The following VAV2 variants were observed in gnomAD, a reference collection of about 807,000 sequenced individuals.
VAV2 encodes vav guanine nucleotide exchange factor 2, also known as guanine nucleotide exchange factor VAV2.
VAV2 carries 67 observed loss-of-function variants against 132.5 expected under a neutral mutation model. The observed-to-expected ratio is 0.51, with a 90% CI of 0.42 to 0.62. The LOEUF (loss-of-function observed/expected upper bound fraction) is 0.62, where lower values mean the gene tolerates loss of function less well. Ranked by LOEUF, VAV2 falls within the 20% of genes least tolerant of loss-of-function variation. The pLI is 0.00. For synonymous variants in VAV2, 492 were observed against 443.5 expected, an observed-to-expected ratio of 1.11 and a Z score of -1.37; for missense variants, 938 against 1,153.6, an observed-to-expected ratio of 0.81 and a Z score of 2.71.
intron 2 of VAV2, among the ~76,000 whole-genome samples, chr9:133,913,118 G>A (rs950619200): frequency 6.6e-6 from 1 of 152,186 alleles, no homozygotes; most frequent in African/African-American, 2.4e-5. Flanking sequence ...CCTCTCCAGG[G>A]AGCTGGCACT....
At chr9:133,897,119 T>C (rs28377870) in intron 2 of VAV2, among the ~76,000 whole-genome samples, 6,003 of 151,982 alleles carry the variant, frequency 0.039, 419 homozygotes, top group African/African-American at 0.14. Context: ...CCGAAACAGA[T>C]GTTGGGCTTG....
intron 1 of VAV2, among the ~76,000 whole-genome samples, chr9:133,972,598 G>GA (rs943287715): frequency 6.6e-6 from 1 of 152,204 alleles, no homozygotes; most frequent in African/African-American, 2.4e-5. Flanking sequence ...ACAGAAGAGG[G>GA]AACTTGTCAC....
At chr9:133,821,307 G>T (rs2131732565) in intron 4 of VAV2, among the ~76,000 whole-genome samples, 1 of 152,354 alleles carries the variant, frequency 6.6e-6, no homozygotes, top group Middle Eastern at 3.4e-3. Flanking sequence ...GGCCGCAGTG[G>T]GTCTCTTGTT....
At chr9:133,778,324 G>T (rs913753209) in intron 22 of VAV2, among the ~76,000 whole-genome samples, 1 of 152,138 alleles carries the variant, frequency 6.6e-6, no homozygotes, top group Non-Finnish European at 1.5e-5. Flanking sequence ...GAACCTGCCC[G>T]CTCACCCCAC....
At chr9:133,766,470 G>A (rs1464108212) in intron 29 of VAV2, among the ~76,000 whole-genome samples, 4 of 152,074 alleles carry the variant, frequency 2.6e-5, no homozygotes, top group African/African-American at 4.8e-5. Context: ...CATGTCCTTT[G>A]TAGGGACATG....
At position 133,771,991 on chromosome 9, in the gene VAV2, T is replaced by C; in HGVS notation, c.2191A>G (p.Ile731Val). 2 of 1,603,794 alleles carry C rather than the reference T, an allele frequency of 1.2e-6. No individual in the cohort carries two copies. Among genetic ancestry groups the C allele is most frequent in the East Asian group, 2.2e-5 (1 of 44,856 alleles). The change falls in exon 26 of 30, where the codon ATC becomes GTC. Residue 731 changes from isoleucine (I) to valine (V), a missense_variant. Ile to Val is a conservative substitution (Grantham distance 29). Coordinates refer to ENST00000371850, the MANE Select transcript of VAV2 (RefSeq NM_001134398.2). Reference sequence around the variant, plus strand: ...CTGTCGAATTTCTTGGCCTCTGTGATGTGGATCCAGTTGTCCTTCTCCACC... The same window carrying C: ...CTGTCGAATTTCTTGGCCTCTGTGACGTGGATCCAGTTGTCCTTCTCCACC... Reference protein sequence around the residue: ...KVVEKDNWIHITEAKKFDSLL... With the variant: ...KVVEKDNWIHVTEAKKFDSLL...
chr9:133,895,226 G>A (rs1163577884), intron 2 of VAV2, among the ~76,000 whole-genome samples: 1 of 151,998 alleles, frequency 6.6e-6, no homozygotes, highest in Admixed American at 6.6e-5. Flanking sequence ...GATCTCTGAG[G>A]GCTCCAAAGG....
chr9:133,898,853 T>G (rs1441106470), intron 2 of VAV2, among the ~76,000 whole-genome samples: 1 of 136,976 alleles, frequency 7.3e-6, no homozygotes, highest in Non-Finnish European at 1.5e-5. Flanking sequence ...AGACGGAGTC[T>G]CGCTGTCTCC....
intron 2 of VAV2, among the ~76,000 whole-genome samples, chr9:133,930,661 G>C (rs538851613): frequency 6.6e-6 from 1 of 152,254 alleles, no homozygotes; most frequent in Non-Finnish European, 1.5e-5. Flanking sequence ...CACGTGAGAT[G>C]CATCTTCTCT....
rs536611429 is a variant in VAV2, at chr9:133,826,660, T to G, written c.449+7612A>C. Among the ~76,000 whole-genome samples the G allele has an allele frequency of 3.4e-4, 52 of 152,272 alleles. No homozygotes were observed. Among genetic ancestry groups the G allele is most frequent in the Non-Finnish European group, 6.0e-4 (41 of 68,000 alleles). ...CCACCCCTCCCCCAGCCACCTAGGA[T>G]GAAGCGGTGGCTAAATAAAGCTTGG... On this transcript the variant is annotated intron_variant, in intron 4 of 29. Coordinates refer to ENST00000371850, the MANE Select transcript of VAV2 (RefSeq NM_001134398.2). The surrounding 1 kb of genome is among the most constrained non-coding windows in gnomAD (Gnocchi z 4.2).
chr9:133,976,043 A>C (rs77102862), intron 1 of VAV2, among the ~76,000 whole-genome samples: 1 of 70,734 alleles, frequency 1.4e-5, no homozygotes, highest in South Asian at 6.8e-4. Context: ...TAAAAAAAAA[A>C]AGAAAATACA....
chr9:133,838,728 T>G (rs1588249217), intron 3 of VAV2, among the ~76,000 whole-genome samples: 2 of 134,166 alleles, frequency 1.5e-5, no homozygotes, highest in East Asian at 2.3e-4. Flanking sequence ...GATGGGTGGG[T>G]GGATGAATGG....
intron 1 of VAV2, among the ~76,000 whole-genome samples, chr9:133,963,340 G>A (rs955048336): frequency 6.6e-6 from 1 of 152,170 alleles, no homozygotes; most frequent in Non-Finnish European, 1.5e-5. Context: ...CAGAACCAAG[G>A]GAGAGAGGGC....
At position 133,918,767 on chromosome 9, in the gene VAV2, GTGTTTGTT is replaced by G. The variant is rs555729648; in HGVS notation, c.321+20328_321+20335del. Among the ~76,000 whole-genome samples the G allele has an allele frequency of 2.6e-5, 4 of 151,918 alleles. No individual in the cohort carries two copies. Among genetic ancestry groups the G allele is most frequent in the South Asian group, 4.2e-4 (2 of 4,802 alleles). ...AGAAGCAGCCGCCATGTGTGTGTGT[GTGTTTGTT>G]TGTTTGTTTGTTTGTTTTGAGACAG... On this transcript the variant is annotated intron_variant, in intron 2 of 29. Transcript: ENST00000371850. The surrounding 1 kb of genome is among the most constrained non-coding windows in gnomAD (Gnocchi z 4.7).
chr9:133,854,034 A>C (rs561409970), intron 3 of VAV2, among the ~76,000 whole-genome samples: 1 of 152,012 alleles, frequency 6.6e-6, no homozygotes, highest in Non-Finnish European at 1.5e-5. Flanking sequence ...ACACACACAC[A>C]CCCATCTGCA....
Position 133,804,580 on chromosome 9 carries a change from G to A in VAV2, c.836+1501C>T, listed in dbSNP as rs543696074. Among the ~76,000 whole-genome samples the A allele has an allele frequency of 6.6e-6, 1 of 152,168 alleles. No individual in the cohort carries two copies. The highest frequency in any genetic ancestry group is 2.4e-5 in the African/African-American group (1 of 41,426). On this transcript the variant is annotated intron_variant, in intron 9 of 29. Transcript: ENST00000371850. The surrounding 1 kb of genome is among the most constrained non-coding windows in gnomAD (Gnocchi z 4.5). Reference sequence around the variant, plus strand: ...ACACAGCCAGCCATTCCTCCTCCAGGGCTTCAGCCTTTGACGGACCTCGAA... The same window carrying A: ...ACACAGCCAGCCATTCCTCCTCCAGAGCTTCAGCCTTTGACGGACCTCGAA...
At position 133,768,639 on chromosome 9, in the gene VAV2, CCCAA is replaced by C. The variant is rs1173683748; in HGVS notation, c.2435-47_2435-44del. The stretch of plus-strand genomic sequence containing the variant: ...CAGCATCACACAGCTGCAGGAGGAG[CCCAA>C]CCAGTGATCCAGGAGGCCCTTGGGC... On this transcript the variant is annotated intron_variant, in intron 28 of 29. Coordinates refer to ENST00000371850, the MANE Select transcript of VAV2 (RefSeq NM_001134398.2). This position sits in a 1 kb window ranked among gnomAD's most constrained non-coding sequence, Gnocchi z 5.3. 12 of 1,593,582 alleles carry C rather than the reference CCCAA, an allele frequency of 7.5e-6. No individual in the cohort carries two copies. Among genetic ancestry groups the C allele is most frequent in the Non-Finnish European group, 1.0e-5 (12 of 1,170,444 alleles).
rs139387723 is a variant in VAV2, at chr9:133,939,619, G to A, written c.205-400C>T. Among the ~76,000 whole-genome samples the A allele has an allele frequency of 3.7e-3, 567 of 152,328 alleles. 4 individuals are homozygous for A. The highest frequency in any genetic ancestry group is 0.013 in the African/African-American group (540 of 41,570). On this transcript the variant is annotated intron_variant, in intron 1 of 29. Coordinates refer to ENST00000371850, the MANE Select transcript of VAV2 (RefSeq NM_001134398.2). ...ACCATCCAACCCAGCTCTCCCAGGC[G>A]CACCCAGCACATGTCGAGGCCGACA...
intron 2 of VAV2, among the ~76,000 whole-genome samples, chr9:133,920,470 T>C (rs1293221664): frequency 2.0e-5 from 3 of 152,194 alleles, no homozygotes; most frequent in Non-Finnish European, 4.4e-5. Context: ...TGAAAGCCCA[T>C]GGTCATTAGG....
Sources: allele counts gnomAD v4.1 joint callset (sites outside exome capture counted in the v4.1 genomes callset), GRCh38; gene constraint gnomAD v4.1.1; non-coding constraint Gnocchi (gnomAD v3.1); transcripts MANE v1.5; gene names NCBI Gene and HGNC (gene_info 2026-07-23, HGNC 2026-07-21).